Variants in LDLRAD3 observed in about 807,000 individuals in gnomAD.
LDLRAD3 encodes the protein low-density lipoprotein receptor class A domain-containing protein 3.
A neutral mutation model predicts 29.4 loss-of-function variants in LDLRAD3; 20 were observed. That is an observed-to-expected ratio of 0.68 (90% CI 0.48 to 0.99). LDLRAD3 has a LOEUF of 0.99. Among genes scored for constraint, LDLRAD3 ranks in the 50% least tolerant of loss-of-function variants. The probability of loss-of-function intolerance (pLI) is 0.00; values close to 1 mark genes in which losing one functional copy is unlikely to be tolerated. For synonymous variants in LDLRAD3, 157 were observed against 192.7 expected (o/e 0.81, Z 1.53); for missense variants, 420 against 454.3 (o/e 0.92, Z 0.69).
chr11:36,177,971 G>T (rs1854703292), intron 4 of LDLRAD3, among the ~76,000 whole-genome samples: 1 of 152,084 alleles, frequency 6.6e-6, no homozygotes, highest in African/African-American at 2.4e-5. Flanking sequence ...TTGTTTTTTG[G>T]CTGTCTCATG....
intron 4 of LDLRAD3, among the ~76,000 whole-genome samples, chr11:36,124,176 A>G (rs1853801951): frequency 6.6e-6 from 1 of 152,230 alleles, no homozygotes; most frequent in Non-Finnish European, 1.5e-5. Context: ...AATAGCTACA[A>G]GAAGTATTGA....
At chr11:35,961,422 G>T (rs1309853592) in intron 1 of LDLRAD3, among the ~76,000 whole-genome samples, 1 of 152,218 alleles carries the variant, frequency 6.6e-6, no homozygotes, top group Non-Finnish European at 1.5e-5. Flanking sequence ...GAGCTGCTCT[G>T]CCTCAGTGTG....
chr11:36,051,177 G>T (rs1188655434), intron 2 of LDLRAD3, among the ~76,000 whole-genome samples: 3 of 152,218 alleles, frequency 2.0e-5, no homozygotes, highest in African/African-American at 7.2e-5. Context: ...GAAAGAAGAG[G>T]ATGCTGCATA....
chr11:36,114,099 G>C (rs573697170), intron 4 of LDLRAD3, among the ~76,000 whole-genome samples: 1 of 152,316 alleles, frequency 6.6e-6, no homozygotes, highest in South Asian at 2.1e-4. Context: ...GACTCTTTTG[G>C]ACTGAGCCGA....
At chr11:36,066,748 A>C (rs1852800780) in intron 2 of LDLRAD3, among the ~76,000 whole-genome samples, 1 of 152,198 alleles carries the variant, frequency 6.6e-6, no homozygotes, top group Non-Finnish European at 1.5e-5. Flanking sequence ...AAAAGTACGA[A>C]GAATATTATG....
At chr11:36,127,250 C>T (rs1175211571) in intron 4 of LDLRAD3, among the ~76,000 whole-genome samples, 1 of 152,120 alleles carries the variant, frequency 6.6e-6, no homozygotes, top group African/African-American at 2.4e-5. Flanking sequence ...AATAAAACTA[C>T]AGATTTGCAT....
In LDLRAD3 at chr11:36,061,759, A is replaced by G. The variant is rs548439039; in HGVS notation, c.194-19894A>G. 1.7e-4 allele frequency among the ~76,000 whole-genome samples: 26 copies of G among 152,320 alleles called. No homozygotes were observed. In the East Asian group the frequency reaches 4.8e-3, roughly 28 times the overall value. On this transcript the variant is annotated intron_variant, in intron 2 of 5. Coordinates refer to ENST00000315571, the MANE Select transcript of LDLRAD3 (RefSeq NM_174902.4). ...TGGAAAATGGAAAGCATTTATCAGT[A>G]AGACCCACAGAAACTTTTATTACTA...
At chr11:36,218,677 T>C (rs1380048161) in intron 4 of LDLRAD3, among the ~76,000 whole-genome samples, 3 of 152,200 alleles carry the variant, frequency 2.0e-5, no homozygotes, top group Non-Finnish European at 4.4e-5. Context: ...GCAGACCAGA[T>C]GGCCAGGTAA....
chr11:36,185,530 C>G (rs1465467262), intron 4 of LDLRAD3, among the ~76,000 whole-genome samples: 3 of 152,180 alleles, frequency 2.0e-5, no homozygotes, highest in African/African-American at 7.2e-5. Flanking sequence ...GTGTTCACCA[C>G]TGAGACTGAT....
At chr11:36,029,199 C>T (rs1024771884) in intron 1 of LDLRAD3, among the ~76,000 whole-genome samples, 4 of 152,100 alleles carry the variant, frequency 2.6e-5, no homozygotes, top group South Asian at 2.1e-4. Context: ...GAGCCGAGAT[C>T]GTGTCACTGT....
chr11:36,070,637 T>G lies in LDLRAD3; in HGVS notation c.194-11016T>G, dbSNP rs915540364. Among the ~76,000 whole-genome samples the G allele has an allele frequency of 2.2e-4, 33 of 152,172 alleles. 1 individual carries two copies. Among genetic ancestry groups the G allele is most frequent in the African/African-American group, 7.7e-4 (32 of 41,436 alleles). ...CTGTGGGTATAAGAAGGTGGTAGAA[T>G]CGGTCAGAGCAGGATGTTCACATTT... On this transcript the variant is annotated intron_variant, in intron 2 of 5. Transcript: ENST00000315571.
chr11:36,165,734 C>A (rs1156273540), intron 4 of LDLRAD3, among the ~76,000 whole-genome samples: 1 of 151,172 alleles, frequency 6.6e-6, no homozygotes, highest in Non-Finnish European at 1.5e-5. Context: ...TTCTCACCTC[C>A]CCCTCCCACC....
chr11:36,040,176 A>AAC (rs10648226), intron 2 of LDLRAD3, among the ~76,000 whole-genome samples: 1 of 151,926 alleles, frequency 6.6e-6, no homozygotes, highest in African/African-American at 2.4e-5. Context: ...CTTCTTAAAA[A>AAC]AGAATTCTTG....
chr11:35,981,723 G>A (rs1851544516), intron 1 of LDLRAD3, among the ~76,000 whole-genome samples: 1 of 152,188 alleles, frequency 6.6e-6, no homozygotes, highest in Admixed American at 6.5e-5. Flanking sequence ...AAATGCAAGG[G>A]TGCTTGGCAT....
chr11:36,078,603 G>A (rs111791618), intron 2 of LDLRAD3, among the ~76,000 whole-genome samples: 14 of 152,216 alleles, frequency 9.2e-5, no homozygotes, highest in Non-Finnish European at 2.1e-4. Flanking sequence ...AGTAAGGGGG[G>A]CCCAGGGAGT....
intron 1 of LDLRAD3, among the ~76,000 whole-genome samples, chr11:35,973,280 T>C (rs550614546): frequency 6.6e-6 from 1 of 152,282 alleles, no homozygotes; most frequent in African/African-American, 2.4e-5. Flanking sequence ...TGGTATTCTG[T>C]TATATATGCA....
At chr11:36,220,773 T>C (rs1855415859) in intron 4 of LDLRAD3, among the ~76,000 whole-genome samples, 9 of 152,018 alleles carry the variant, frequency 5.9e-5, no homozygotes, top group Admixed American at 5.9e-4. Flanking sequence ...ACAAAATACC[T>C]TTCGTGGGGA....
chr11:36,141,744 GC>G lies in LDLRAD3; in HGVS notation c.454+43286del, dbSNP rs1854090008. 1.3e-5 allele frequency among the ~76,000 whole-genome samples: 2 copies of G among 152,102 alleles called. 1 individual carries two copies. The highest frequency in any genetic ancestry group is 4.2e-4 in the South Asian group (2 of 4,812). ...ACGTGGAGTGAGCCAGGTGCCCCCG[GC>G]CCGAGCAGACAAGCAGGCTCTGAAT... On this transcript the variant is annotated intron_variant, in intron 4 of 5. Transcript: ENST00000315571.
chr11:36,067,232 A>G (rs1451155250), intron 2 of LDLRAD3, among the ~76,000 whole-genome samples: 1 of 152,166 alleles, frequency 6.6e-6, no homozygotes, highest in African/African-American at 2.4e-5. Flanking sequence ...CCACGTATTA[A>G]TTAAGCATCC....
Sources: gnomAD v4.1 joint callset for allele counts (sites outside exome capture counted in the v4.1 genomes callset) on GRCh38, gnomAD v4.1.1 for gene constraint, MANE v1.5 for transcripts, NCBI Gene and HGNC (gene_info 2026-07-23, HGNC 2026-07-21) for gene names.